The following PTPRK variants were observed in gnomAD, a reference collection of about 807,000 sequenced individuals.
PTPRK encodes the protein receptor-type tyrosine-protein phosphatase kappa.
In PTPRK, 75 loss-of-function variants were observed where a neutral mutation model predicts 178.0. The ratio of observed to expected loss-of-function variants is 0.42; its 90% CI spans 0.35 to 0.51. The LOEUF (loss-of-function observed/expected upper bound fraction) is 0.51, where lower values mean the gene tolerates loss of function less well. Ranked by LOEUF, PTPRK falls within the 20% of genes least tolerant of loss-of-function variation. The pLI is 0.02. For synonymous variants in PTPRK, 637 were observed against 620.6 expected, an observed-to-expected ratio of 1.03 and a Z score of -0.39; for missense variants, 1,441 against 1,797.8, an observed-to-expected ratio of 0.80 and a Z score of 3.59.
At chr6:128,079,669 G>A (rs567237163) in intron 10 of PTPRK, among the ~76,000 whole-genome samples, 118 of 151,852 alleles carry the variant, frequency 7.8e-4, no homozygotes, top group Middle Eastern at 3.2e-3. Flanking sequence ...TCCATTCGTT[G>A]AACATTTACT....
intron 7 of PTPRK, among the ~76,000 whole-genome samples, chr6:128,158,315 T>C (rs3923033): frequency 0.071 from 10,727 of 151,858 alleles, 906 homozygotes; most frequent in African/African-American, 0.2. Context: ...ATGTAAATGA[T>C]GAGTTAATGG....
chr6:128,432,030 G>A (rs1844901138), intron 1 of PTPRK, among the ~76,000 whole-genome samples: 1 of 152,120 alleles, frequency 6.6e-6, no homozygotes, highest in African/African-American at 2.4e-5. Flanking sequence ...AGGAAGGAAG[G>A]AAGAGAAAAA....
Position 128,172,264 on chromosome 6 carries a change from G to T in PTPRK, c.1162+12168C>A, listed in dbSNP as rs548489991. On this transcript the variant is annotated intron_variant, in intron 7 of 29. Transcript: ENST00000368226. Reference sequence around the variant, plus strand: ...GGCAATTGTACAGTCATCTTCTTCAGATGATATTTGTACTGCTGTTCTTAA... The same window carrying T: ...GGCAATTGTACAGTCATCTTCTTCATATGATATTTGTACTGCTGTTCTTAA... Among the ~76,000 whole-genome samples, 3 of 152,016 alleles carry T rather than the reference G, an allele frequency of 2.0e-5. No individual in the cohort carries two copies. The East Asian group carries it at 5.8e-4, about 30-fold the overall frequency.
intron 1 of PTPRK, among the ~76,000 whole-genome samples, chr6:128,456,668 C>T (rs1419405909): frequency 6.6e-6 from 1 of 152,006 alleles, no homozygotes; most frequent in Non-Finnish European, 1.5e-5. Flanking sequence ...TATTTATATA[C>T]ATTACTAAAC....
chr6:128,258,026 A>G (rs1427725920), intron 3 of PTPRK, among the ~76,000 whole-genome samples: 1 of 152,164 alleles, frequency 6.6e-6, no homozygotes, highest in Non-Finnish European at 1.5e-5. Context: ...AATGGCCAGA[A>G]TATATTTTAT....
At chr6:128,260,466 A>G (rs996814990) in intron 3 of PTPRK, among the ~76,000 whole-genome samples, 3 of 152,172 alleles carry the variant, frequency 2.0e-5, no homozygotes, top group Non-Finnish European at 4.4e-5. Flanking sequence ...AGCATAGCAA[A>G]TGGCATGTAG....
chr6:128,161,312 C>T (rs1798677953), intron 7 of PTPRK, among the ~76,000 whole-genome samples: 2 of 151,466 alleles, frequency 1.3e-5, no homozygotes, highest in African/African-American at 4.8e-5. Context: ...TCTAGTAGCC[C>T]TATGTGAATT....
Position 127,991,155 on chromosome 6 carries a change from A to C in PTPRK, c.2979+139T>G. 3 of 635,728 alleles carry C rather than the reference A, an allele frequency of 4.7e-6. No individual in the cohort carries two copies. In the South Asian group the frequency reaches 7.9e-5, roughly 17 times the overall value. The allele number at this position is 635,728 out of a possible 1,614,324, so 39.4% of individuals were successfully genotyped here. A position where few individuals can be genotyped will look rare whatever the true frequency, so the allele number is the denominator to read the frequency against. Reference sequence around the variant, plus strand: ...ATAATTTTTCAGCCAGTCAAGGTCTACTTAGAAGTACTCAACTAAAATGTT... The same window carrying C: ...ATAATTTTTCAGCCAGTCAAGGTCTCCTTAGAAGTACTCAACTAAAATGTT... On this transcript the variant is annotated intron_variant, in intron 20 of 29. Transcript: ENST00000368226.
intron 7 of PTPRK, among the ~76,000 whole-genome samples, chr6:128,162,361 C>T (rs1437791678): frequency 6.6e-6 from 1 of 151,492 alleles, no homozygotes; most frequent in Non-Finnish European, 1.5e-5. Context: ...TGTGTTTATA[C>T]ATTTGTGCAT....
intron 3 of PTPRK, among the ~76,000 whole-genome samples, chr6:128,249,977 G>A (rs1399353149): frequency 6.6e-6 from 1 of 152,148 alleles, no homozygotes; most frequent in Non-Finnish European, 1.5e-5. Flanking sequence ...ACTGAATCAT[G>A]AAGGCAGTTT....
intron 11 of PTPRK, among the ~76,000 whole-genome samples, chr6:128,070,888 A>G (rs1192292094): frequency 1.3e-5 from 2 of 151,796 alleles, no homozygotes; most frequent in Admixed American, 6.6e-5. Flanking sequence ...TATGAAATGA[A>G]TACATTGCTT....
intron 7 of PTPRK, among the ~76,000 whole-genome samples, chr6:128,149,235 T>C (rs1459878458): frequency 6.6e-6 from 1 of 151,576 alleles, no homozygotes; most frequent in Non-Finnish European, 1.5e-5. Context: ...CACACCAACA[T>C]GGCACATGTA....
At chr6:128,253,732 T>G (rs886728527) in intron 3 of PTPRK, among the ~76,000 whole-genome samples, 5 of 152,198 alleles carry the variant, frequency 3.3e-5, no homozygotes, top group African/African-American at 1.2e-4. Context: ...CTTAACAAAT[T>G]TAAACAACTC....
At chr6:128,237,976 C>T (rs1813607243) in intron 5 of PTPRK, 1 of 430,210 alleles carries the variant, frequency 2.3e-6, no homozygotes, top group Admixed American at 2.7e-5. Context: ...TTTGAAAACA[C>T]CCTTAGTAAT....
At chr6:128,182,877 GTAATGC>G (rs1802155908) in intron 7 of PTPRK, among the ~76,000 whole-genome samples, 1 of 152,014 alleles carries the variant, frequency 6.6e-6, no homozygotes, top group Non-Finnish European at 1.5e-5. Flanking sequence ...ACACTGTGTG[GTAATGC>G]TAATTTTTTA....
intron 7 of PTPRK, among the ~76,000 whole-genome samples, chr6:128,141,905 C>G (rs746088580): frequency 7.9e-5 from 12 of 151,700 alleles, no homozygotes; most frequent in Non-Finnish European, 1.6e-4. Flanking sequence ...TAAGACTGTT[C>G]GTTTTTAAAC....
intron 1 of PTPRK, chr6:128,491,888 T>C (rs1476274599): frequency 1.0e-5 from 5 of 479,574 alleles, no homozygotes; most frequent in African/African-American, 7.9e-5. Flanking sequence ...CAGGCTAATC[T>C]TCACGGCAGG....
chr6:128,426,696 T>C (rs1478396400), intron 1 of PTPRK, among the ~76,000 whole-genome samples: 2 of 152,270 alleles, frequency 1.3e-5, no homozygotes, highest in Admixed American at 1.3e-4. Context: ...ACTTATCTTG[T>C]CATTTGTAAT....
At chr6:128,233,398 G>C (rs943906432) in intron 5 of PTPRK, among the ~76,000 whole-genome samples, 1 of 152,218 alleles carries the variant, frequency 6.6e-6, no homozygotes, top group Non-Finnish European at 1.5e-5. Context: ...GCCTGGACAG[G>C]TAACGCACTA....
Sources: allele counts gnomAD v4.1 joint callset (sites outside exome capture counted in the v4.1 genomes callset), GRCh38; gene constraint gnomAD v4.1.1; transcripts MANE v1.5; gene names NCBI Gene and HGNC (gene_info 2026-07-23, HGNC 2026-07-21).